The following FPR3 variants were observed in gnomAD, a reference collection of about 807,000 sequenced individuals.
The protein encoded by FPR3 is N-formyl peptide receptor 3.
For missense variants in FPR3, 346 were observed against 443.2 expected (o/e 0.78, Z 1.97); for synonymous variants, 135 against 163.6 (o/e 0.83, Z 1.34).
intron 1 of FPR3, among the ~76,000 whole-genome samples, chr19:51,800,016 G>C (rs2084019481): frequency 6.6e-6 from 1 of 152,216 alleles, no homozygotes; most frequent in African/African-American, 2.4e-5. Context: ...AGGCTCCTGG[G>C]GAGCAGCGAT....
At chr19:51,803,921 T>C (rs914009278) in intron 1 of FPR3, 6 of 152,350 alleles carry the variant, frequency 3.9e-5, no homozygotes, top group Admixed American at 1.3e-4. Flanking sequence ...ATATTGGGGC[T>C]TTGAAGCTAA....
chr19:51,824,734 C>G lies in FPR3; in HGVS notation c.986C>G (p.Pro329Arg), dbSNP rs770571869. Residue 329 changes from proline to arginine, a missense_variant, in exon 2 of 2, where the codon CCT (proline) becomes CGT (arginine). Transcript: ENST00000339223. The surrounding 1 kb of genome is among the most constrained non-coding windows in gnomAD (Gnocchi z 4.7). Reference protein sequence around the residue: ...TSLERALTEVPDSAQTSNTDT... With the variant: ...TSLERALTEVRDSAQTSNTDT... ...TTGGAGAGGGCCCTGACTGAGGTCC[C>G]TGACTCAGCCCAGACCAGCAACACA... 6.2e-7 allele frequency: 1 copy of G among 1,614,104 alleles called. No individual in the cohort carries two copies. Among genetic ancestry groups the G allele is most frequent in the South Asian group, 1.1e-5 (1 of 91,086 alleles).
chr19:51,806,084 A>G (rs1432208546), intron 1 of FPR3, among the ~76,000 whole-genome samples: 1 of 152,236 alleles, frequency 6.6e-6, no homozygotes, highest in Non-Finnish European at 1.5e-5. Context: ...GATTAAAAAC[A>G]CAAACCACAA....
intron 1 of FPR3, among the ~76,000 whole-genome samples, chr19:51,801,564 T>C (rs1293883241): frequency 6.6e-6 from 1 of 152,196 alleles, no homozygotes; most frequent in Non-Finnish European, 1.5e-5. Flanking sequence ...GCAGATCACC[T>C]GAGGTCAAGA....
chr19:51,811,666 C>G (rs1184034654), intron 1 of FPR3: 5 of 152,130 alleles, frequency 3.3e-5, no homozygotes, highest in African/African-American at 7.2e-5. Flanking sequence ...TGCCATGATC[C>G]CTGGTGGACT....
chr19:51,823,706 A>G, intron 1 of FPR3, 33 bp from the exon 2 acceptor site: 1 of 1,482,994 alleles, frequency 6.7e-7, no homozygotes, highest in Non-Finnish European at 9.1e-7. Context: ...ATGGTGTCAC[A>G]GCTGAGAAAT....
At chr19:51,814,448 T>G (rs2084119487) in intron 1 of FPR3, among the ~76,000 whole-genome samples, 1 of 152,086 alleles carries the variant, frequency 6.6e-6, no homozygotes, top group African/African-American at 2.4e-5. Context: ...TAACGGGTAC[T>G]CTCTCATGCA....
Position 51,816,122 on chromosome 19 carries a change from A to C in FPR3, c.-10-7617A>C, listed in dbSNP as rs569425967. Among the ~76,000 whole-genome samples the C allele has an allele frequency of 2.6e-5, 4 of 152,064 alleles. No homozygotes were observed. In the South Asian group the frequency reaches 8.3e-4, roughly 32 times the overall value. ...TTAGATGAGCTTCTTGAGTTGGTGA[A>C]CACAAAGAGGTGCCGGAAGGCTGAG... On this transcript the variant is annotated intron_variant, in intron 1 of 1. Transcript: ENST00000339223.
intron 1 of FPR3, among the ~76,000 whole-genome samples, chr19:51,797,874 A>ATTTTTTT (rs1161472789): frequency 2.8e-3 from 100 of 35,596 alleles, no homozygotes; most frequent in African/African-American, 3.6e-3. Context: ...TTCCATGTCT[A>ATTTTTTT]TTCTTTTTTT....
At chr19:51,813,906 T>C (rs1269489459) in intron 1 of FPR3, among the ~76,000 whole-genome samples, 5 of 152,166 alleles carry the variant, frequency 3.3e-5, no homozygotes, top group African/African-American at 1.2e-4. Flanking sequence ...TTCATCCTTC[T>C]GGCTCTGGAG....
At chr19:51,808,888 A>C (rs188163361) in intron 1 of FPR3, among the ~76,000 whole-genome samples, 309 of 152,336 alleles carry the variant, frequency 2.0e-3, no homozygotes, top group Non-Finnish European at 3.7e-3. Context: ...CTGAAGTTGC[A>C]TCAGGTTCTC....
intron 1 of FPR3, among the ~76,000 whole-genome samples, chr19:51,806,540 T>C (rs1411518579): frequency 1.3e-5 from 2 of 152,228 alleles, no homozygotes; most frequent in East Asian, 1.9e-4. Context: ...ACCCCCTTTT[T>C]GTCTTTTCAA....
chr19:51,797,790 A>T (rs960116897), intron 1 of FPR3, among the ~76,000 whole-genome samples: 2 of 151,650 alleles, frequency 1.3e-5, no homozygotes, highest in Non-Finnish European at 2.9e-5. Flanking sequence ...ATTGTACCCC[A>T]CAACACAACA....
chr19:51,822,357 G>A (rs1397952167), intron 1 of FPR3, among the ~76,000 whole-genome samples: 3 of 152,104 alleles, frequency 2.0e-5, no homozygotes, highest in East Asian at 1.9e-4. Context: ...GATGGAGGAG[G>A]GATACCTTCC....
intron 1 of FPR3, among the ~76,000 whole-genome samples, chr19:51,806,955 G>A (rs1017608823): frequency 1.3e-5 from 2 of 152,178 alleles, no homozygotes; most frequent in East Asian, 1.9e-4. Flanking sequence ...ACCTAACATC[G>A]GGCGTAGCCA....
rs1430355608 is a variant in FPR3 at position 51,824,435 on chromosome 19, C to A, written c.687C>A (p.His229Gln). Residue 229 changes from histidine (H) to glutamine (Q), a missense_variant, in exon 2 of 2, where the codon CAC becomes CAA. Physicochemically the swap from His to Gln is conservative, Grantham distance 24. Coordinates refer to ENST00000339223, the MANE Select transcript of FPR3 (RefSeq NM_002030.5). The surrounding 1 kb of genome is among the most constrained non-coding windows in gnomAD (Gnocchi z 4.7). ...VCYGIIAAKI[H>Q]RNHMIKSSRP... is the part of the protein sequence containing the mutation. Reference sequence around the variant, plus strand: ...ATGGGATCATCGCTGCCAAAATTCACAGAAACCACATGATTAAATCCAGCC... The same window carrying A: ...ATGGGATCATCGCTGCCAAAATTCAAAGAAACCACATGATTAAATCCAGCC... 1 of 1,613,992 alleles carries A rather than the reference C, an allele frequency of 6.2e-7. No homozygotes were observed. Among genetic ancestry groups the A allele is most frequent in the Non-Finnish European group, 8.5e-7 (1 of 1,180,014 alleles).
chr19:51,802,489 GCCC>G (rs2084031280), intron 1 of FPR3, among the ~76,000 whole-genome samples: 1 of 152,070 alleles, frequency 6.6e-6, no homozygotes, highest in Non-Finnish European at 1.5e-5. Context: ...ATACTTCCAT[GCCC>G]CCCAATTTGA....
In FPR3 at chr19:51,824,518, A is replaced by T. The variant is rs757246189; in HGVS notation, c.770A>T (p.Tyr257Phe). 6.2e-7 allele frequency: 1 copy of T among 1,614,082 alleles called. No homozygotes were observed. The highest frequency in any genetic ancestry group is 8.5e-7 in the Non-Finnish European group (1 of 1,179,988). ...TCTTTCTTCATCTGTTGGTTCCCTTATGAACTAATTGGCATTCTAATGGCA... is the reference window on the plus strand; with the variant it reads ...TCTTTCTTCATCTGTTGGTTCCCTTTTGAACTAATTGGCATTCTAATGGCA... ...VASFFICWFP[Y>F]ELIGILMAVW... Residue 257 changes from tyrosine to phenylalanine, a missense_variant, in exon 2 of 2, where the codon TAT becomes TTT. Physicochemically the swap from Tyr to Phe is conservative, Grantham distance 22. Transcript: ENST00000339223. The surrounding 1 kb of genome is among the most constrained non-coding windows in gnomAD (Gnocchi z 4.7).
At chr19:51,820,751 T>C (rs1176089495) in intron 1 of FPR3, among the ~76,000 whole-genome samples, 1 of 152,246 alleles carries the variant, frequency 6.6e-6, no homozygotes, top group African/African-American at 2.4e-5. Context: ...ACTCTGGTTC[T>C]ACCCCTTTCT....
Sources: allele counts gnomAD v4.1 joint callset (sites outside exome capture counted in the v4.1 genomes callset), GRCh38; gene constraint gnomAD v4.1.1; non-coding constraint Gnocchi (gnomAD v3.1); transcripts MANE v1.5; gene names NCBI Gene and HGNC (gene_info 2026-07-23, HGNC 2026-07-21).